Variants in PLCXD1 observed in about 807,000 individuals in gnomAD.
PLCXD1 encodes the protein phosphatidylinositol specific phospholipase C X domain containing 1.
A neutral mutation model predicts 37.8 loss-of-function variants in PLCXD1; 45 were observed. That is an observed-to-expected ratio of 1.19 (90% CI 0.94 to 1.53). PLCXD1 has a LOEUF of 1.53. PLCXD1 is among the 40% of genes most tolerant of loss of function. The probability of loss-of-function intolerance (pLI) is 0.00; values close to 1 mark genes in which losing one functional copy is unlikely to be tolerated. For missense variants in PLCXD1, 539 were observed against 454.7 expected (o/e 1.19, Z -1.69); for synonymous variants, 246 against 206.9 (o/e 1.19, Z -1.62).
At chrX:279,570 G>C (rs1265417486), upstream of PLCXD1, among the ~76,000 whole-genome samples, 2 of 152,124 alleles carry the variant, frequency 1.3e-5, no homozygotes, top group African/African-American at 4.8e-5. Context: ...TCAGGAGTTC[G>C]AGACCAGCCT....
chrX:290,617 A>G, intron 3 of PLCXD1, 31 bp from the exon 4 acceptor site: 2 of 1,612,458 alleles, frequency 1.2e-6, no homozygotes, highest in Non-Finnish European at 1.7e-6. Flanking sequence ...GCGCTCAGCC[A>G]GGCAGACATG....
chrX:280,359 G>GGGCCGTGCAGGGGGAAGGGA (rs1413405048), upstream of PLCXD1, among the ~76,000 whole-genome samples: 3 of 28,266 alleles, frequency 1.1e-4, no homozygotes, highest in African/African-American at 5.0e-4. Flanking sequence ...GGGGGAAGGG[G>GGGCCGTGCAGGGGGAAGGGA]GGCCGTGCAG....
Position 283,467 on chromosome X carries a change from C to G in PLCXD1, c.-21-700C>G, listed in dbSNP as rs1177638317. On this transcript the variant is annotated intron_variant, in intron 1 of 6. Coordinates refer to ENST00000381657, the MANE Select transcript of PLCXD1 (RefSeq NM_018390.4). The stretch of plus-strand genomic sequence containing the variant: ...CCCGCGAAAAACCTGGCCCGCCCAC[C>G]CCAGTTCCGTAATATGCAAATGTAG... 6.6e-5 allele frequency: 10 copies of G among 151,988 alleles called. No homozygotes were observed. The East Asian group carries it at 1.9e-3, about 29-fold the overall frequency. The allele number at this position is 151,988 out of a possible 1,614,324, so 9.4% of individuals were successfully genotyped here. A position where few individuals can be genotyped will look rare whatever the true frequency, so the allele number is the denominator to read the frequency against.
intron 2 of PLCXD1, among the ~76,000 whole-genome samples, chrX:284,599 C>CGCACACAT (rs1569564406): frequency 3.3e-5 from 2 of 61,470 alleles, no homozygotes; most frequent in African/African-American, 2.2e-4. Flanking sequence ...CACGCACACA[C>CGCACACAT]GCACACACGC....
chrX:293,009 C>A (rs373741743), intron 5 of PLCXD1, 26 bp from the exon 6 acceptor site: 43 of 1,566,776 alleles, frequency 2.7e-5, no homozygotes, highest in Non-Finnish European at 3.4e-5. Context: ...CTCTCCCCTG[C>A]ACCCCTTAAC....
chrX:285,644 TAC>T (rs1394133275), intron 2 of PLCXD1, among the ~76,000 whole-genome samples: 31 of 151,862 alleles, frequency 2.0e-4, no homozygotes, highest in Admixed American at 7.2e-4. Flanking sequence ...CACACGCGTG[TAC>T]ACACATGCAC....
rs758247083 is a variant in PLCXD1 at position 288,865 on chromosome X, C to A, written c.260C>A (p.Thr87Asn). Residue 87 changes from threonine to asparagine, a missense_variant, in exon 3 of 7, where the codon ACC becomes AAC. Coordinates refer to ENST00000381657, the MANE Select transcript of PLCXD1 (RefSeq NM_018390.4). ...TRPVVLKWSV[T>N]QALDVTEQLD... is the part of the protein sequence containing the mutation. ...CCTGTCGTGCTGAAATGGTCCGTCACCCAGGTACGGTCTGTGCCCCGTGCT... is the reference window on the plus strand; with the variant it reads ...CCTGTCGTGCTGAAATGGTCCGTCAACCAGGTACGGTCTGTGCCCCGTGCT... 34 of 1,612,460 alleles carry A rather than the reference C, an allele frequency of 2.1e-5. No individual in the cohort carries two copies. In the East Asian group the frequency reaches 7.6e-4, roughly 36 times the overall value.
rs373329805 is a variant in PLCXD1, at chrX:303,091, C to T, written c.*3756C>T. ...ACCTAATGACTCATTTTCCAAAAAT[C>T]CGCTTCTACTTTTGGTACCCGGTTG... On this transcript the variant is annotated 3_prime_UTR_variant, in exon 7 of 7. Transcript: ENST00000381657. The T allele has an allele frequency of 2.0e-4, 31 of 152,284 alleles. No individual in the cohort carries two copies. Among genetic ancestry groups the T allele is most frequent in the African/African-American group, 7.0e-4 (29 of 41,568 alleles). The allele number at this position is 152,284 out of a possible 1,614,324, so 9.4% of individuals were successfully genotyped here.
chrX:282,433 C>T (rs749073371), intron 1 of PLCXD1, among the ~76,000 whole-genome samples: 3 of 151,712 alleles, frequency 2.0e-5, no homozygotes, highest in South Asian at 4.2e-4. Context: ...AGCTGGGCAC[C>T]GTGGCTCACG....
Position 303,214 on chromosome X carries a change from G to C in PLCXD1, c.*3879G>C, listed in dbSNP as rs151328668. On this transcript the variant is annotated 3_prime_UTR_variant, in exon 7 of 7. Coordinates refer to ENST00000381657, the MANE Select transcript of PLCXD1 (RefSeq NM_018390.4). Reference sequence around the variant, plus strand: ...CCACGGCTCTGCAGGATCAGGGCTCGGGCAGGCCCCGCGGAGATGAAGAAT... The same window carrying C: ...CCACGGCTCTGCAGGATCAGGGCTCCGGCAGGCCCCGCGGAGATGAAGAAT... 0.01 allele frequency: 1,547 copies of C among 152,222 alleles called. 17 individuals carry two copies. Among genetic ancestry groups the C allele is most frequent in the Non-Finnish European group, 0.016 (1,094 of 68,012 alleles). The allele number at this position is 152,222 out of a possible 1,614,324, so 9.4% of individuals were successfully genotyped here.
At chrX:289,428 C>G (rs3936200) in intron 3 of PLCXD1, among the ~76,000 whole-genome samples, 5 of 151,250 alleles carry the variant, frequency 3.3e-5, no homozygotes, top group Admixed American at 2.6e-4. Context: ...CCGTGAGCAT[C>G]GCAGGCCTCC....
intron 3 of PLCXD1, among the ~76,000 whole-genome samples, chrX:289,812 A>G (rs2071902573): frequency 6.6e-6 from 1 of 151,768 alleles, no homozygotes; most frequent in African/African-American, 2.4e-5. Context: ...CGCCCGGCCG[A>G]GACAACCCCT....
At chrX:296,762 T>C (rs756290799) in intron 6 of PLCXD1, among the ~76,000 whole-genome samples, 3 of 145,598 alleles carry the variant, frequency 2.1e-5, no homozygotes, top group African/African-American at 8.2e-5. Flanking sequence ...GTGGACAAGT[T>C]TGGGGCCATA....
intron 5 of PLCXD1, 111 bp downstream of exon 5, chrX:291,765 G>C: frequency 1.6e-6 from 2 of 1,261,232 alleles, no homozygotes; most frequent in Non-Finnish European, 2.3e-6. Flanking sequence ...CCTGTAGCAG[G>C]TGAAGCCGTC....
chrX:291,543 C>T lies in PLCXD1; in HGVS notation c.438C>T (p.Arg146=), dbSNP rs745325517. 81 of 1,612,888 alleles carry T rather than the reference C, an allele frequency of 5.0e-5. No homozygotes were observed. The South Asian group carries it at 6.0e-4, about 12-fold the overall frequency. The part of the protein sequence containing the change: ...EISEWLERHP[R]EVVILACRNF... ...CGGAGTGGCTGGAGCGGCATCCACG[C>T]GAGGTGGTCATCCTGGCCTGCAGAA... The change falls in exon 5 of 7, where the codon CGC becomes CGT. Residue 146 remains arginine (R), a synonymous_variant. Transcript: ENST00000381657.
rs1251086836 is a variant in PLCXD1, at chrX:300,518, ATG to A, written c.*1187_*1188del. The stretch of plus-strand genomic sequence containing the variant: ...TGTGTATATATGTATATGTGTGCAT[ATG>A]TGTATACGTGTATGCATACATGTAT... On this transcript the variant is annotated 3_prime_UTR_variant, in exon 7 of 7. Transcript: ENST00000381657. 6.7e-6 allele frequency: 1 copy of A among 149,746 alleles called. No homozygotes were observed. Among genetic ancestry groups the A allele is most frequent in the African/African-American group, 2.5e-5 (1 of 39,970 alleles). 9.3% of individuals were successfully genotyped at this position (149,746 alleles called of 1,614,324 possible). A position where few individuals can be genotyped will look rare whatever the true frequency, so the allele number is the denominator to read the frequency against.
At chrX:282,868 T>A (rs568828590) in intron 1 of PLCXD1, among the ~76,000 whole-genome samples, 4 of 142,726 alleles carry the variant, frequency 2.8e-5, no homozygotes, top group African/African-American at 1.0e-4. Context: ...GATGTATATA[T>A]GTATATATGT....
chrX:299,284 C>A lies in PLCXD1; in HGVS notation c.921C>A (p.Asp307Glu), dbSNP rs200102004. The part of the protein sequence containing the change: ...NIIAGDFIGA[D>E]GFVSDVIALN... ...TCGCGGGGGACTTCATCGGCGCAGA[C>A]GGCTTCGTCAGTGACGTCATCGCGC... The change falls in exon 7 of 7, where the codon GAC (aspartate) becomes GAA (glutamate). Residue 307 changes from aspartate to glutamate, a missense_variant. By Grantham distance (45) the Asp-to-Glu change is conservative. Coordinates refer to ENST00000381657, the MANE Select transcript of PLCXD1 (RefSeq NM_018390.4). The A allele has an allele frequency of 4.3e-6, 7 of 1,613,758 alleles. No homozygotes were observed. Among genetic ancestry groups the A allele is most frequent in the African/African-American group, 2.7e-5 (2 of 74,910 alleles).
At chrX:288,695 C>T in intron 2 of PLCXD1, 38 bp from the exon 3 acceptor site, 1 of 1,611,904 alleles carries the variant, frequency 6.2e-7, no homozygotes, top group Non-Finnish European at 8.5e-7. Flanking sequence ...CGGGGACGGA[C>T]TCGTGGTGAC....
Sources: allele counts gnomAD v4.1 joint callset (sites outside exome capture counted in the v4.1 genomes callset), GRCh38; gene constraint gnomAD v4.1.1; transcripts MANE v1.5; gene names NCBI Gene and HGNC (gene_info 2026-07-23, HGNC 2026-07-21).